MEMO1: variants seen among roughly 807,000 people sequenced by gnomAD.
MEMO1 encodes the protein protein MEMO1.
In MEMO1, 6 loss-of-function variants were observed where a neutral mutation model predicts 45.2. That is an observed-to-expected ratio of 0.13 (90% confidence interval 0.07 to 0.26). MEMO1 has a LOEUF of 0.26. Ranked by LOEUF, MEMO1 falls within the 10% of genes least tolerant of loss-of-function variation. MEMO1 has a pLI of 1.00. For missense variants in MEMO1, 184 were observed against 370.5 expected (o/e 0.50, Z 4.13); for synonymous variants, 78 against 124.3 (o/e 0.63, Z 2.48).
chr2:31,985,187 T>C (rs1163325964), intron 2 of MEMO1, among the ~76,000 whole-genome samples: 2 of 152,188 alleles, frequency 1.3e-5, no homozygotes, highest in Non-Finnish European at 2.9e-5. Flanking sequence ...CCACTGGTTT[T>C]TTAAGAAAAT....
intron 2 of MEMO1, among the ~76,000 whole-genome samples, chr2:31,984,601 G>C (rs1671047461): frequency 6.6e-6 from 1 of 152,072 alleles, no homozygotes; most frequent in African/African-American, 2.4e-5. Flanking sequence ...GAGGTCAAGA[G>C]CCATCCTGGC....
At chr2:31,969,412 CACGTATATATACAT>C (rs1669036079) in intron 2 of MEMO1, among the ~76,000 whole-genome samples, 1 of 128,476 alleles carries the variant, frequency 7.8e-6, no homozygotes, top group Admixed American at 8.4e-5. Context: ...TACATATATA[CACGTATATATACAT>C]ATATGTGTGT....
chr2:31,890,712 G>A (rs1315566762), intron 7 of MEMO1, among the ~76,000 whole-genome samples: 1 of 152,148 alleles, frequency 6.6e-6, no homozygotes, highest in Non-Finnish European at 1.5e-5. Context: ...CAGCACTGCT[G>A]ACATTTTGGG....
At chr2:31,941,627 G>GT (rs1464031431) in intron 3 of MEMO1, among the ~76,000 whole-genome samples, 1 of 152,210 alleles carries the variant, frequency 6.6e-6, no homozygotes, top group Non-Finnish European at 1.5e-5. Flanking sequence ...ATAAATAGTA[G>GT]TAAGTCATTT....
chr2:31,977,726 T>G (rs1044624950), intron 2 of MEMO1, among the ~76,000 whole-genome samples: 3 of 152,080 alleles, frequency 2.0e-5, no homozygotes, highest in Non-Finnish European at 2.9e-5. Flanking sequence ...AGAGGTGGGA[T>G]TTCACCATGT....
At chr2:31,994,912 C>T (rs993187569) in intron 2 of MEMO1, among the ~76,000 whole-genome samples, 1 of 148,526 alleles carries the variant, frequency 6.7e-6, no homozygotes, top group African/African-American at 2.5e-5. Flanking sequence ...TGTGCCAAGG[C>T]ACTCGTGCCT....
intron 4 of MEMO1, among the ~76,000 whole-genome samples, chr2:31,921,546 G>A (rs995696628): frequency 3.3e-4 from 50 of 152,010 alleles, no homozygotes; most frequent in African/African-American, 1.2e-3. Flanking sequence ...GGATGCAACA[G>A]GTATTCAGAA....
chr2:31,931,673 G>A (rs779755968), intron 4 of MEMO1, among the ~76,000 whole-genome samples: 59 of 152,030 alleles, frequency 3.9e-4, no homozygotes, highest in African/African-American at 1.1e-3. Context: ...TCCTGTCAAC[G>A]AGAAATTATC....
intron 8 of MEMO1, among the ~76,000 whole-genome samples, chr2:31,871,330 A>G (rs1673694792): frequency 6.6e-6 from 1 of 152,220 alleles, no homozygotes; most frequent in South Asian, 2.1e-4. Flanking sequence ...TAAAAGCACC[A>G]AGAGTAATCA....
chr2:31,989,198 A>G (rs1456721469), intron 2 of MEMO1, among the ~76,000 whole-genome samples: 1 of 151,586 alleles, frequency 6.6e-6, no homozygotes, highest in Non-Finnish European at 1.5e-5. Context: ...ATTGCACTCC[A>G]GCCTGGGCAA....
chr2:31,945,980 CT>C (rs1666148237), intron 2 of MEMO1, among the ~76,000 whole-genome samples: 1 of 152,136 alleles, frequency 6.6e-6, no homozygotes, highest in Admixed American at 6.5e-5. Context: ...GGTGAGCATT[CT>C]TTTGGTCTTT....
Position 31,873,204 on chromosome 2 carries a change from T to C in MEMO1, c.658-3252A>G, listed in dbSNP as rs560942471. Among the ~76,000 whole-genome samples, 4 of 152,160 alleles carry C rather than the reference T, an allele frequency of 2.6e-5. No homozygotes were observed. In the South Asian group the frequency reaches 8.3e-4, roughly 31 times the overall value. ...GCCTAGTATAGTGAAAATTTGATTGTTCACATAAACTTAACCTAATGTGGA... is the reference window on the plus strand; with the variant it reads ...GCCTAGTATAGTGAAAATTTGATTGCTCACATAAACTTAACCTAATGTGGA... On this transcript the variant is annotated intron_variant, in intron 8 of 9. Coordinates refer to ENST00000404530, the MANE Select transcript of MEMO1 (RefSeq NM_001301833.4).
intron 6 of MEMO1, among the ~76,000 whole-genome samples, chr2:31,899,787 G>A (rs1008715733): frequency 2.0e-5 from 3 of 152,100 alleles, no homozygotes; most frequent in Admixed American, 2.0e-4. Context: ...CTATCCATCT[G>A]ACAAAGGGCT....
chr2:31,933,347 AAATTTAT>A (rs1558514255), intron 3 of MEMO1, among the ~76,000 whole-genome samples: 15 of 19,960 alleles, frequency 7.5e-4, no homozygotes, highest in African/African-American at 2.0e-3. Context: ...AAAAAAAAAA[AAATTTAT>A]ATATATATAT....
chr2:31,999,294 G>C (rs1018098900), intron 2 of MEMO1, among the ~76,000 whole-genome samples: 7 of 152,082 alleles, frequency 4.6e-5, no homozygotes, highest in African/African-American at 1.7e-4. Flanking sequence ...CAGCAGCCAA[G>C]TAATTATATT....
chr2:31,935,992 C>G (rs1664874528), intron 3 of MEMO1, among the ~76,000 whole-genome samples: 1 of 151,852 alleles, frequency 6.6e-6, no homozygotes. Context: ...GAGACAGAGT[C>G]TCACTCTGTC....
intron 6 of MEMO1, among the ~76,000 whole-genome samples, chr2:31,910,815 G>T (rs571117532): frequency 1.3e-5 from 2 of 151,914 alleles, no homozygotes; most frequent in Admixed American, 6.6e-5. Flanking sequence ...AGCCAAGATT[G>T]TGCACCCCTG....
At chr2:31,964,165 G>C (rs768858410) in intron 2 of MEMO1, among the ~76,000 whole-genome samples, 6 of 151,858 alleles carry the variant, frequency 4.0e-5, no homozygotes, top group African/African-American at 1.2e-4. Context: ...GAAAAACGTT[G>C]AACACCATCG....
At chr2:31,889,141 TAG>T (rs1176025784) in intron 7 of MEMO1, among the ~76,000 whole-genome samples, 6 of 152,034 alleles carry the variant, frequency 3.9e-5, no homozygotes, top group African/African-American at 1.4e-4. Context: ...AGGCACAATA[TAG>T]AGAGAACCAA....
Sources: allele counts gnomAD v4.1 joint callset (sites outside exome capture counted in the v4.1 genomes callset), GRCh38; gene constraint gnomAD v4.1.1; transcripts MANE v1.5; gene names NCBI Gene and HGNC (gene_info 2026-07-23, HGNC 2026-07-21).